TAF1B: variants seen among roughly 807,000 people sequenced by gnomAD.
TAF1B encodes TATA box-binding protein-associated factor RNA polymerase I subunit B.
A neutral mutation model predicts 83.9 loss-of-function variants in TAF1B; 61 were observed. The observed-to-expected ratio is 0.73, with a 90% CI of 0.59 to 0.90. The LOEUF is 0.90. TAF1B is among the 40% of genes least tolerant of loss of function. The probability of loss-of-function intolerance (pLI) is 0.00; values close to 1 mark genes in which losing one functional copy is unlikely to be tolerated. For missense variants in TAF1B, 625 were observed against 677.0 expected (o/e 0.92, Z 0.85); for synonymous variants, 221 against 224.6 (o/e 0.98, Z 0.14).
chr2:9,921,952 G>A (rs1012434391), intron 14 of TAF1B, among the ~76,000 whole-genome samples: 7 of 152,106 alleles, frequency 4.6e-5, no homozygotes, highest in African/African-American at 1.7e-4. Context: ...AAAAAGACTA[G>A]ACTAATATTC....
intron 14 of TAF1B, among the ~76,000 whole-genome samples, chr2:9,923,456 A>T (rs1457200913): frequency 1.3e-5 from 2 of 152,084 alleles, no homozygotes; most frequent in African/African-American, 4.8e-5. Flanking sequence ...AGGCGGGCAG[A>T]TCACCTGAGG....
In TAF1B at chr2:9,910,870, G is replaced by T. The variant is rs1665510577; in HGVS notation, c.1090G>T (p.Val364Leu). The T allele has an allele frequency of 1.2e-6, 2 of 1,612,868 alleles. No homozygotes were observed. The highest frequency in any genetic ancestry group is 2.2e-5 in the South Asian group (2 of 90,834). ...TGTACAAGCTGTAGCTATCATTGTG[G>T]TGGTATTGAAACTGCTCTTTCTATT... ...YDVQAVAIIV[V>L]VLKLLFLLDD... The change falls in exon 10 of 15, where the codon GTG becomes TTG. Residue 364 changes from valine to leucine, a missense_variant. Val to Leu is a conservative substitution (Grantham distance 32, BLOSUM62 1). Transcript: ENST00000263663.
rs1664313136 is a variant in TAF1B at position 9,876,010 on chromosome 2, T to C, written c.699T>C (p.Asp233=). The C allele has an allele frequency of 6.2e-7, 1 of 1,608,024 alleles. No homozygotes were observed. The highest frequency in any genetic ancestry group is 2.2e-5 in the East Asian group (1 of 44,708). Reference sequence around the variant, plus strand: ...AGAGAGAAGCAATAACACTTTCAGATCTTTTGAGGTTAGCTAGACCTCTTG... The same window carrying C: ...AGAGAGAAGCAATAACACTTTCAGACCTTTTGAGGTTAGCTAGACCTCTTG... The part of the protein sequence containing the change: ...LWQREAITLS[D]LLRFVEEDHI... The change falls in exon 7 of 15, where the codon GAT becomes GAC. Residue 233 remains aspartate, a synonymous_variant. Transcript: ENST00000263663.
chr2:9,930,483 G>A (rs1357427119), intron 14 of TAF1B, among the ~76,000 whole-genome samples: 2 of 149,810 alleles, frequency 1.3e-5, no homozygotes, highest in South Asian at 4.3e-4. Flanking sequence ...TTTTGAGTGA[G>A]TTTCTTAATC....
At chr2:9,857,539 G>A (rs1055593806) in intron 5 of TAF1B, among the ~76,000 whole-genome samples, 1 of 152,162 alleles carries the variant, frequency 6.6e-6, no homozygotes, top group Non-Finnish European at 1.5e-5. Flanking sequence ...GACATGTTAA[G>A]TTTGAGACAG....
intron 5 of TAF1B, among the ~76,000 whole-genome samples, chr2:9,867,234 T>A (rs1664012110): frequency 2.0e-5 from 3 of 152,098 alleles, no homozygotes. Flanking sequence ...AGAGGTGGGA[T>A]CAAGTGCACA....
intron 14 of TAF1B, among the ~76,000 whole-genome samples, chr2:9,925,544 T>G (rs1335303139): frequency 6.6e-6 from 1 of 151,880 alleles, no homozygotes; most frequent in Non-Finnish European, 1.5e-5. Context: ...GAGGGTTTTG[T>G]TTGGTTGGTT....
chr2:9,861,421 G>T (rs1312139796), intron 5 of TAF1B, among the ~76,000 whole-genome samples: 1 of 152,276 alleles, frequency 6.6e-6, no homozygotes, highest in Non-Finnish European at 1.5e-5. Flanking sequence ...CATTGCCGAG[G>T]CTTGAGTAGG....
At chr2:9,869,798 G>GTT (rs1185886648) in intron 6 of TAF1B, among the ~76,000 whole-genome samples, 11 of 151,982 alleles carry the variant, frequency 7.2e-5, no homozygotes, top group Admixed American at 1.3e-4. Context: ...GCTTGAACCG[G>GTT]GAGGCAGAGG....
In TAF1B at chr2:9,934,244, G is replaced by A. The variant is rs184484476; in HGVS notation, c.*260G>A. The stretch of plus-strand genomic sequence containing the variant: ...AAATTGTATAATTGTATCCAGAAAT[G>A]TATACTCATCGTATTTTAAAGCTAA... On this transcript the variant is annotated 3_prime_UTR_variant, in exon 15 of 15. Coordinates refer to ENST00000263663, the MANE Select transcript of TAF1B (RefSeq NM_005680.3). 1.2e-4 allele frequency: 36 copies of A among 306,514 alleles called. 1 individual carries two copies. Among genetic ancestry groups the A allele is most frequent in the African/African-American group, 7.3e-4 (34 of 46,664 alleles). The allele number at this position is 306,514 out of a possible 1,614,324, so 19.0% of individuals were successfully genotyped here.
chr2:9,882,086 G>A (rs1332763321), intron 7 of TAF1B, among the ~76,000 whole-genome samples: 2 of 151,916 alleles, frequency 1.3e-5, no homozygotes, highest in African/African-American at 4.8e-5. Context: ...GAACTAACAA[G>A]TAGGATACAC....
At chr2:9,901,811 T>G (rs1022459218) in intron 8 of TAF1B, among the ~76,000 whole-genome samples, 5 of 152,110 alleles carry the variant, frequency 3.3e-5, no homozygotes, top group Non-Finnish European at 7.4e-5. Context: ...TATGTTTTTC[T>G]TTTCTCTCTT....
At chr2:9,892,086 G>A (rs1664888623) in intron 8 of TAF1B, among the ~76,000 whole-genome samples, 1 of 152,266 alleles carries the variant, frequency 6.6e-6, no homozygotes, top group East Asian at 1.9e-4. Flanking sequence ...CTTCATTCAT[G>A]GTAAGTGCCC....
At chr2:9,866,760 A>G (rs543385617) in intron 5 of TAF1B, among the ~76,000 whole-genome samples, 3 of 152,358 alleles carry the variant, frequency 2.0e-5, no homozygotes, top group Non-Finnish European at 4.4e-5. Flanking sequence ...GCAGCCATAA[A>G]AAATGATGAA....
chr2:9,847,303 A>G (rs1350550111), intron 2 of TAF1B, among the ~76,000 whole-genome samples: 2 of 152,186 alleles, frequency 1.3e-5, no homozygotes, highest in Non-Finnish European at 2.9e-5. Context: ...TAAAGGAAAA[A>G]AAAGTTACGT....
At position 9,914,723 on chromosome 2, in the gene TAF1B, G is replaced by A. The variant is rs1287572393; in HGVS notation, c.1271+1474G>A. Among the ~76,000 whole-genome samples, 1 of 152,126 alleles carries A rather than the reference G, an allele frequency of 6.6e-6. No individual in the cohort carries two copies. The highest frequency in any genetic ancestry group is 1.5e-5 in the Non-Finnish European group (1 of 68,026). On this transcript the variant is annotated intron_variant, in intron 12 of 14. Transcript: ENST00000263663. This position sits in a 1 kb window ranked among gnomAD's most constrained non-coding sequence, Gnocchi z 4.3. Reference sequence around the variant, plus strand: ...AAATGGCACTTTCCAGGGAGGTACCGGGCCCCAAGGTGGAGGCTGTCGAGG... The same window carrying A: ...AAATGGCACTTTCCAGGGAGGTACCAGGCCCCAAGGTGGAGGCTGTCGAGG...
chr2:9,873,571 T>C (rs1309624867), intron 6 of TAF1B, among the ~76,000 whole-genome samples: 2 of 151,982 alleles, frequency 1.3e-5, no homozygotes, highest in Non-Finnish European at 2.9e-5. Context: ...TTAATAAGAT[T>C]CACACTTAAC....
intron 8 of TAF1B, among the ~76,000 whole-genome samples, chr2:9,885,165 A>G (rs930976373): frequency 3.3e-5 from 5 of 152,218 alleles, no homozygotes; most frequent in Admixed American, 6.5e-5. Context: ...TACAGTGAGT[A>G]AAAAGCCTAA....
intron 8 of TAF1B, among the ~76,000 whole-genome samples, chr2:9,885,989 A>G (rs1478988036): frequency 6.6e-6 from 1 of 152,190 alleles, no homozygotes; most frequent in Non-Finnish European, 1.5e-5. Context: ...CATTTAGTCC[A>G]CTTTTCTTAT....
Sources: allele counts gnomAD v4.1 joint callset (sites outside exome capture counted in the v4.1 genomes callset), GRCh38; gene constraint gnomAD v4.1.1; non-coding constraint Gnocchi (gnomAD v3.1); transcripts MANE v1.5; gene names NCBI Gene and HGNC (gene_info 2026-07-23, HGNC 2026-07-21).